Variants in GRM8 observed in about 807,000 individuals in gnomAD.
GRM8 encodes the protein metabotropic glutamate receptor 8.
A neutral mutation model predicts 87.2 loss-of-function variants in GRM8; 47 were observed. The ratio of observed to expected loss-of-function variants is 0.54; its 90% CI spans 0.43 to 0.69. GRM8 has a LOEUF of 0.69. Ranked by LOEUF, GRM8 falls within the 30% of genes least tolerant of loss-of-function variation. GRM8 has a pLI of 0.00. For missense variants in GRM8, 1,019 were observed against 1,139.2 expected, an observed-to-expected ratio of 0.89 and a Z score of 1.52; for synonymous variants, 396 against 404.5, an observed-to-expected ratio of 0.98 and a Z score of 0.25.
At chr7:126,609,312 T>C (rs773859789) in intron 8 of GRM8, 50 bp downstream of exon 8, 2 of 1,404,254 alleles carry the variant, frequency 1.4e-6, no homozygotes, top group Non-Finnish European at 2.0e-6. Flanking sequence ...AAATAAAGCA[T>C]CCCTCCTGGA....
intron 3 of GRM8, among the ~76,000 whole-genome samples, chr7:127,032,559 T>C (rs976757060): frequency 2.6e-5 from 4 of 152,188 alleles, no homozygotes; most frequent in Admixed American, 6.5e-5. Context: ...CTGTACTTTG[T>C]AAAGGTTCAT....
chr7:126,640,740 C>A (rs892102405), intron 7 of GRM8, among the ~76,000 whole-genome samples: 2 of 152,012 alleles, frequency 1.3e-5, no homozygotes, highest in African/African-American at 2.4e-5. Flanking sequence ...GACCTTCCCC[C>A]CCTCCTACCC....
At chr7:127,007,403 T>C (rs1331078562) in intron 3 of GRM8, among the ~76,000 whole-genome samples, 1 of 152,012 alleles carries the variant, frequency 6.6e-6, no homozygotes, top group African/African-American at 2.4e-5. Flanking sequence ...TTAAAAATTT[T>C]AATTCTTCCA....
intron 6 of GRM8, among the ~76,000 whole-genome samples, chr7:126,895,618 T>G (rs1275413535): frequency 1.3e-5 from 2 of 151,740 alleles, no homozygotes; most frequent in African/African-American, 4.8e-5. Flanking sequence ...AATTTAGCAA[T>G]GTGAACTGCT....
intron 6 of GRM8, among the ~76,000 whole-genome samples, chr7:126,819,410 T>C (rs1193989467): frequency 6.6e-6 from 1 of 152,046 alleles, no homozygotes; most frequent in East Asian, 1.9e-4. Context: ...ACAAATACAC[T>C]CACAAAGCAT....
rs769931895 is a variant in GRM8, at chr7:126,657,415, AC to A, written c.1358-47918del. 7.3e-4 allele frequency among the ~76,000 whole-genome samples: 111 copies of A among 151,782 alleles called. 1 individual carries two copies. The highest frequency in any genetic ancestry group is 3.4e-3 in the Middle Eastern group (1 of 294). On this transcript the variant is annotated intron_variant, in intron 7 of 10. Transcript: ENST00000339582. The stretch of plus-strand genomic sequence containing the variant: ...ACATATTTTCTTAGCAGTAAAAACA[AC>A]CCCCCCCCAAAAAAGTCACATACAA...
chr7:126,500,686 T>G (rs927358799), intron 9 of GRM8, among the ~76,000 whole-genome samples: 1 of 152,036 alleles, frequency 6.6e-6, no homozygotes, highest in African/African-American at 2.4e-5. Flanking sequence ...AGCACGGTGT[T>G]TGGCATGTAG....
At chr7:126,586,761 T>C (rs1796174020) in intron 8 of GRM8, among the ~76,000 whole-genome samples, 1 of 152,156 alleles carries the variant, frequency 6.6e-6, no homozygotes, top group Non-Finnish European at 1.5e-5. Context: ...ATTCAGGACA[T>C]AGGCATGGGC....
At position 127,017,563 on chromosome 7, in the gene GRM8, A is replaced by G. The variant is rs576013304; in HGVS notation, c.727+88933T>C. ...TAAGTAGCTAGAAGAAGGTGTCATC[A>G]TTTTCAAAGAAGAAGGTGTCATCTT... On this transcript the variant is annotated intron_variant, in intron 3 of 10. Transcript: ENST00000339582. Among the ~76,000 whole-genome samples the G allele has an allele frequency of 2.2e-4, 33 of 152,204 alleles. No individual in the cohort carries two copies. The East Asian group carries it at 5.8e-3, about 27-fold the overall frequency.
chr7:126,823,777 G>T (rs532466884), intron 6 of GRM8, among the ~76,000 whole-genome samples: 2 of 152,124 alleles, frequency 1.3e-5, no homozygotes, highest in Admixed American at 1.3e-4. Context: ...GGCTCAGTAG[G>T]CTCACTTGAA....
At chr7:126,905,897 G>T (rs79909007) in intron 3 of GRM8, among the ~76,000 whole-genome samples, 3 of 152,184 alleles carry the variant, frequency 2.0e-5, no homozygotes, top group Non-Finnish European at 4.4e-5. Flanking sequence ...GGAGGCCAAA[G>T]TATGTAAAAA....
chr7:126,862,322 A>G (rs182548260), intron 6 of GRM8, among the ~76,000 whole-genome samples: 1 of 152,090 alleles, frequency 6.6e-6, no homozygotes, highest in East Asian at 1.9e-4. Context: ...AATAATAACT[A>G]GATATCTTAT....
intron 2 of GRM8, among the ~76,000 whole-genome samples, chr7:127,154,169 G>A (rs577740139): frequency 6.6e-6 from 1 of 152,250 alleles, no homozygotes; most frequent in East Asian, 1.9e-4. Context: ...CTGTCATTCT[G>A]TACTCCAGCT....
intron 6 of GRM8, chr7:126,868,889 T>G (rs1798841566): frequency 6.6e-6 from 1 of 152,228 alleles, no homozygotes; most frequent in Non-Finnish European, 1.5e-5. Flanking sequence ...TTTATTAAAA[T>G]AAGACAACAA....
At chr7:126,616,307 A>G (rs1163352698) in intron 7 of GRM8, among the ~76,000 whole-genome samples, 5 of 152,050 alleles carry the variant, frequency 3.3e-5, no homozygotes, top group African/African-American at 9.7e-5. Flanking sequence ...GTCAGAAATA[A>G]AGACGTTCTT....
chr7:127,189,067 T>C (rs1794886123), intron 2 of GRM8, among the ~76,000 whole-genome samples: 1 of 152,268 alleles, frequency 6.6e-6, no homozygotes, highest in Non-Finnish European at 1.5e-5. Context: ...ATTTGGATTG[T>C]AGTCAAACAT....
At chr7:126,929,014 T>A (rs1255379949) in intron 3 of GRM8, among the ~76,000 whole-genome samples, 2 of 152,158 alleles carry the variant, frequency 1.3e-5, no homozygotes, top group Non-Finnish European at 1.5e-5. Flanking sequence ...TGTTGATGCA[T>A]TTAATGGGCT....
intron 3 of GRM8, among the ~76,000 whole-genome samples, chr7:126,959,811 G>A (rs940599740): frequency 6.6e-6 from 1 of 152,124 alleles, no homozygotes; most frequent in Non-Finnish European, 1.5e-5. Context: ...CATCTGGCCT[G>A]GGTTCTGAAG....
At chr7:126,477,642 C>A (rs573966348) in intron 9 of GRM8, among the ~76,000 whole-genome samples, 61 of 93,822 alleles carry the variant, frequency 6.5e-4, no homozygotes, top group South Asian at 9.7e-4. Context: ...AAAGAAAAAA[C>A]GAAAGAGAAA....
Sources: gnomAD v4.1 joint callset for allele counts (sites outside exome capture counted in the v4.1 genomes callset) on GRCh38, gnomAD v4.1.1 for gene constraint, MANE v1.5 for transcripts, NCBI Gene and HGNC (gene_info 2026-07-23, HGNC 2026-07-21) for gene names.